Variants in GALNT10 observed in about 807,000 individuals in gnomAD.
GALNT10 encodes polypeptide N-acetylgalactosaminyltransferase 10, also known as GalNAc transferase 10.
A neutral mutation model predicts 75.0 loss-of-function variants in GALNT10; 41 were observed. That is an observed-to-expected ratio of 0.55 (90% CI 0.43 to 0.71). The LOEUF (loss-of-function observed/expected upper bound fraction) is 0.71, where lower values mean the gene tolerates loss of function less well. Ranked by LOEUF, GALNT10 falls within the 30% of genes least tolerant of loss-of-function variation. The pLI, the probability that GALNT10 is intolerant of heterozygous loss-of-function variation, is 0.00. For missense variants in GALNT10, 727 were observed against 818.5 expected, an observed-to-expected ratio of 0.89 and a Z score of 1.36; for synonymous variants, 302 against 313.0, an observed-to-expected ratio of 0.96 and a Z score of 0.37.
chr5:154,330,908 G>GGTGTGTGTGTGTGT (rs370103391), intron 4 of GALNT10, among the ~76,000 whole-genome samples: 3,962 of 125,920 alleles, frequency 0.031, 64 homozygotes, highest in East Asian at 0.1. Context: ...AGACAGAGAG[G>GGTGTGTGTGTGTGT]GTGTGTGTGT....
At chr5:154,293,635 T>G (rs773307421) in intron 1 of GALNT10, among the ~76,000 whole-genome samples, 5 of 147,462 alleles carry the variant, frequency 3.4e-5, no homozygotes, top group Non-Finnish European at 4.4e-5. Flanking sequence ...CTTTCAGCCA[T>G]TCAATTGCTT....
At chr5:154,309,007 T>C (rs902846069) in intron 3 of GALNT10, among the ~76,000 whole-genome samples, 7 of 151,986 alleles carry the variant, frequency 4.6e-5, no homozygotes, top group African/African-American at 1.7e-4. Flanking sequence ...AACAAATAAA[T>C]GGATTGATTT....
chr5:154,364,710 C>T (rs750600730), intron 4 of GALNT10, among the ~76,000 whole-genome samples: 16 of 151,966 alleles, frequency 1.1e-4, no homozygotes, highest in South Asian at 2.1e-4. Flanking sequence ...ACACCTTAAA[C>T]GATAGTCATG....
intron 1 of GALNT10, among the ~76,000 whole-genome samples, chr5:154,205,590 G>A (rs1361756638): frequency 2.0e-5 from 3 of 152,156 alleles, no homozygotes; most frequent in South Asian, 2.1e-4. Context: ...CCTTACTCAC[G>A]GCACCTCAGA....
intron 1 of GALNT10, among the ~76,000 whole-genome samples, chr5:154,226,677 A>G (rs918494912): frequency 2.0e-5 from 3 of 152,242 alleles, no homozygotes; most frequent in African/African-American, 4.8e-5. Flanking sequence ...CTTTACTGCC[A>G]TATAAATGAC....
chr5:154,335,372 C>T (rs921829923), intron 4 of GALNT10, among the ~76,000 whole-genome samples: 1 of 152,112 alleles, frequency 6.6e-6, no homozygotes, highest in Non-Finnish European at 1.5e-5. Flanking sequence ...ATACGTGCTA[C>T]CTGGTGAAAG....
chr5:154,331,382 G>A (rs1754861748), intron 4 of GALNT10, among the ~76,000 whole-genome samples: 1 of 152,136 alleles, frequency 6.6e-6, no homozygotes, highest in South Asian at 2.1e-4. Flanking sequence ...CTGCTGTTTG[G>A]CAGAGAGCCT....
chr5:154,267,529 G>A (rs1175237376), intron 1 of GALNT10, among the ~76,000 whole-genome samples: 2 of 152,204 alleles, frequency 1.3e-5, no homozygotes, highest in African/African-American at 4.8e-5. Flanking sequence ...TTCCCTGTCT[G>A]CCCTAGGGCC....
chr5:154,400,571 G>A (rs1756141636), intron 7 of GALNT10, among the ~76,000 whole-genome samples: 2 of 152,232 alleles, frequency 1.3e-5, no homozygotes, highest in Non-Finnish European at 2.9e-5. Flanking sequence ...GGGAGAAGGT[G>A]CACTGGACAG....
chr5:154,339,198 A>G (rs1004029953), intron 4 of GALNT10, among the ~76,000 whole-genome samples: 23 of 152,172 alleles, frequency 1.5e-4, no homozygotes, highest in African/African-American at 5.6e-4. Flanking sequence ...AATCACATTG[A>G]CAGAAGAGAT....
chr5:154,310,875 C>A (rs1754506524), intron 3 of GALNT10, among the ~76,000 whole-genome samples: 1 of 152,154 alleles, frequency 6.6e-6, no homozygotes, highest in Non-Finnish European at 1.5e-5. Flanking sequence ...GTTATTGATC[C>A]ATTGGACCTA....
intron 4 of GALNT10, among the ~76,000 whole-genome samples, chr5:154,367,382 C>A (rs1021620480): frequency 6.6e-6 from 1 of 152,102 alleles, no homozygotes; most frequent in African/African-American, 2.4e-5. Context: ...ATTTGTCAGA[C>A]CTTTTCTCAC....
At chr5:154,204,641 C>CT (rs1775077246) in intron 1 of GALNT10, among the ~76,000 whole-genome samples, 1 of 152,190 alleles carries the variant, frequency 6.6e-6, no homozygotes, top group African/African-American at 2.4e-5. Context: ...GCATGTGGTC[C>CT]TGCCTGTAAT....
intron 1 of GALNT10, among the ~76,000 whole-genome samples, chr5:154,201,062 T>A (rs1775020565): frequency 6.6e-6 from 1 of 152,174 alleles, no homozygotes; most frequent in South Asian, 2.1e-4. Context: ...TTGCTGGATG[T>A]GGGAACAGCT....
chr5:154,320,008 A>T (rs1754650207), intron 3 of GALNT10, among the ~76,000 whole-genome samples: 2 of 152,238 alleles, frequency 1.3e-5, no homozygotes, highest in Admixed American at 1.3e-4. Flanking sequence ...CTATAGAGCC[A>T]GGTACCCTGC....
intron 1 of GALNT10, among the ~76,000 whole-genome samples, chr5:154,191,396 T>C (rs1400173676): frequency 6.6e-6 from 1 of 151,638 alleles, no homozygotes; most frequent in Non-Finnish European, 1.5e-5. Flanking sequence ...TTCTGGTTCT[T>C]CTATTTGGTG....
chr5:154,349,892 G>A (rs1366268703), intron 4 of GALNT10, among the ~76,000 whole-genome samples: 1 of 152,188 alleles, frequency 6.6e-6, no homozygotes, highest in Admixed American at 6.5e-5. Flanking sequence ...TCCAGGAGCT[G>A]TGTTGTCTGT....
At chr5:154,267,590 A>G (rs1183531437) in intron 1 of GALNT10, among the ~76,000 whole-genome samples, 9 of 152,154 alleles carry the variant, frequency 5.9e-5, no homozygotes, top group African/African-American at 4.8e-5. Flanking sequence ...TCTGGGTTCA[A>G]TTTTTGGCCC....
intron 1 of GALNT10, among the ~76,000 whole-genome samples, chr5:154,252,862 G>T (rs1753545187): frequency 1.3e-5 from 2 of 151,248 alleles, no homozygotes; most frequent in African/African-American, 2.4e-5. Flanking sequence ...ACCTGTCTTT[G>T]GTATTTCTCT....
Sources: allele counts gnomAD v4.1 joint callset (sites outside exome capture counted in the v4.1 genomes callset), GRCh38; gene constraint gnomAD v4.1.1; transcripts MANE v1.5; gene names NCBI Gene and HGNC (gene_info 2026-07-23, HGNC 2026-07-21).